The following RNU6-7 variants were observed in gnomAD, a reference collection of about 807,000 sequenced individuals.
The protein encoded by RNU6-7 is RNA, U6 small nuclear 7.
exon 1 of RNU6-7, chr14:32,202,118 T>A (rs1385432581): frequency 2.6e-5 from 4 of 152,372 alleles, no homozygotes; most frequent in African/African-American, 9.7e-5. Context: ...TGCGCAAGGA[T>A]GACACGCAAA....
chr14:32,202,142 C>T (rs1047865286), exon 1 of RNU6-7: 4 of 152,366 alleles, frequency 2.6e-5, no homozygotes, highest in South Asian at 2.1e-4. Flanking sequence ...GTGAAGCGTT[C>T]CATATTTTGC....
chr14:32,202,077 G>A (rs975102804), exon 1 of RNU6-7: 4 of 152,378 alleles, frequency 2.6e-5, no homozygotes, highest in Non-Finnish European at 4.4e-5. Flanking sequence ...TACTAAAATT[G>A]GAACGATACA....
At chr14:32,202,105 C>T (rs895278751) in exon 1 of RNU6-7, 5 of 152,374 alleles carry the variant, frequency 3.3e-5, no homozygotes, top group Admixed American at 6.5e-5. Flanking sequence ...TTAGCATGGC[C>T]CCTGCGCAAG....
exon 1 of RNU6-7, chr14:32,202,128 A>T (rs1410752494): frequency 2.0e-5 from 3 of 152,426 alleles, no homozygotes; most frequent in Non-Finnish European, 2.9e-5. Context: ...TGACACGCAA[A>T]TTCGTGAAGC....
At chr14:32,202,096 T>G (rs971388847) in exon 1 of RNU6-7, 2 of 152,380 alleles carry the variant, frequency 1.3e-5, no homozygotes, top group African/African-American at 2.4e-5. Context: ...CAGAGAAGAT[T>G]AGCATGGCCC....
exon 1 of RNU6-7, chr14:32,202,086 C>T (rs1017087634): frequency 2.0e-5 from 3 of 152,402 alleles, no homozygotes; most frequent in Non-Finnish European, 4.4e-5. Context: ...TGGAACGATA[C>T]AGAGAAGATT....
chr14:32,202,107 C>T (rs1405619788), exon 1 of RNU6-7: 1 of 152,434 alleles, frequency 6.6e-6, no homozygotes, highest in African/African-American at 2.4e-5. Flanking sequence ...AGCATGGCCC[C>T]TGCGCAAGGA....
chr14:32,202,077 G>GA (rs572874978), exon 1 of RNU6-7: 2 of 152,378 alleles, frequency 1.3e-5, no homozygotes, highest in African/African-American at 4.8e-5. Flanking sequence ...TACTAAAATT[G>GA]GAACGATACA....
Sources: allele counts gnomAD v4.1 joint callset, GRCh38; gene constraint gnomAD v4.1.1; transcripts MANE v1.5; gene names NCBI Gene and HGNC (gene_info 2026-07-23, HGNC 2026-07-21).